The following HECTD4 variants were observed in gnomAD, a reference collection of about 807,000 sequenced individuals.
HECTD4 encodes HECT domain E3 ubiquitin protein ligase 4.
A neutral mutation model predicts 471.5 loss-of-function variants in HECTD4; 114 were observed. The ratio of observed to expected loss-of-function variants is 0.24; its 90% confidence interval spans 0.21 to 0.28. The LOEUF is 0.28. HECTD4 is among the 10% of genes least tolerant of loss of function. HECTD4 has a pLI of 1.00. For missense variants in HECTD4, 3,866 were observed against 5,651.5 expected (o/e 0.68, Z 10.13); for synonymous variants, 2,012 against 2,256.0 (o/e 0.89, Z 3.07).
Position 112,324,038 on chromosome 12 carries a change from C to A in HECTD4, c.178-4296G>T, listed in dbSNP as rs1168280676. On this transcript the variant is annotated intron_variant, in intron 1 of 75. Transcript: ENST00000682272. ...CCTTCCTTCCTTCCTTCCTTCCTTC[C>A]TTCCTTCCTTTCTTTCTTTCTTTCT... Among the ~76,000 whole-genome samples the A allele has an allele frequency of 6.7e-5, 3 of 44,900 alleles. 1 individual carries two copies. Among genetic ancestry groups the A allele is most frequent in the African/African-American group, 4.7e-4 (2 of 4,266 alleles). 29.5% of individuals were successfully genotyped at this position (44,900 alleles called of 152,430 possible).
Position 112,304,656 on chromosome 12 carries a change from G to A in HECTD4, c.1335+1408C>T, listed in dbSNP as rs374872730. 7.3e-5 allele frequency among the ~76,000 whole-genome samples: 11 copies of A among 150,514 alleles called. No homozygotes were observed. In the East Asian group the frequency reaches 1.6e-3, roughly 22 times the overall value. On this transcript the variant is annotated intron_variant, in intron 7 of 75. Coordinates refer to ENST00000682272, the MANE Select transcript of HECTD4 (RefSeq NM_001388303.1). Reference sequence around the variant, plus strand: ...TAAATGAAAATTCCTTAAACAGCTGGTAAGTCTCTTTAAAAACCAATTAAA... The same window carrying A: ...TAAATGAAAATTCCTTAAACAGCTGATAAGTCTCTTTAAAAACCAATTAAA...
Position 112,163,742 on chromosome 12 carries a change from C to T in HECTD4, c.12702-5G>A. On this transcript the variant is annotated splice_polypyrimidine_tract_variant and splice_region_variant and intron_variant, in intron 73 of 75. Coordinates refer to ENST00000682272, the MANE Select transcript of HECTD4 (RefSeq NM_001388303.1). The surrounding 1 kb of genome is among the most constrained non-coding windows in gnomAD (Gnocchi z 8.2). ...TAGATGTCCTTGTTCTCCCACCTGC[C>T]CGGGTGAGGAGCACAGGTGAGGGAG... is the stretch of plus-strand genomic sequence containing the variant. 2 of 1,460,574 alleles carry T rather than the reference C, an allele frequency of 1.4e-6. No homozygotes were observed. The highest frequency in any genetic ancestry group is 1.8e-6 in the Non-Finnish European group (2 of 1,101,908). The allele number at this position is 1,460,574 out of a possible 1,614,324, so 90.5% of individuals were successfully genotyped here.
intron 44 of HECTD4, among the ~76,000 whole-genome samples, chr12:112,220,534 T>G (rs1412636821): frequency 6.6e-6 from 1 of 152,100 alleles, no homozygotes; most frequent in Non-Finnish European, 1.5e-5. Context: ...CGGTGGCTCA[T>G]GCCTGTAATC....
At chr12:112,168,299 C>T (rs1399606841) in intron 70 of HECTD4, among the ~76,000 whole-genome samples, 1 of 152,218 alleles carries the variant, frequency 6.6e-6, no homozygotes, top group Non-Finnish European at 1.5e-5. Context: ...CATGTCTGTC[C>T]CTCTGGGCCA....
Position 112,246,881 on chromosome 12 carries a change from G to C in HECTD4, c.4513+20C>G, listed in dbSNP as rs999172319. ...TGTTCATATAACAGAAGCCGATTAGGGGCTATCTTTGAGCAGTACCTGGTG... is the reference window on the plus strand; with the variant it reads ...TGTTCATATAACAGAAGCCGATTAGCGGCTATCTTTGAGCAGTACCTGGTG... On this transcript the variant is annotated intron_variant, in intron 29 of 75. Coordinates refer to ENST00000682272, the MANE Select transcript of HECTD4 (RefSeq NM_001388303.1). 6.2e-7 allele frequency: 1 copy of C among 1,601,884 alleles called. No homozygotes were observed. The highest frequency in any genetic ancestry group is 1.3e-5 in the African/African-American group (1 of 74,308).
intron 64 of HECTD4, 47 bp from the exon 65 acceptor site, chr12:112,176,749 C>T (rs748705555): frequency 7.6e-7 from 1 of 1,317,388 alleles, no homozygotes; most frequent in East Asian, 2.3e-5. Context: ...TTCACACCTC[C>T]TCCCGATAGG....
chr12:112,278,662 G>A (rs1364026227), intron 9 of HECTD4, among the ~76,000 whole-genome samples: 1 of 152,180 alleles, frequency 6.6e-6, no homozygotes, highest in Non-Finnish European at 1.5e-5. Context: ...GGAGGCCAAG[G>A]TGGGTGGATC....
In HECTD4 at chr12:112,283,100, A is replaced by C. The variant is rs1375616313; in HGVS notation, c.1528+10T>G. The C allele has an allele frequency of 6.2e-7, 1 of 1,608,728 alleles. No homozygotes were observed. The highest frequency in any genetic ancestry group is 1.3e-5 in the African/African-American group (1 of 74,824). The stretch of plus-strand genomic sequence containing the variant: ...AAGGAAACAGATCTGGGAAGCACAG[A>C]GTAACATACCTGCTTGATCCTCTTT... On this transcript the variant is annotated intron_variant, in intron 8 of 75. Transcript: ENST00000682272.
At chr12:112,286,242 A>C (rs1015968495) in intron 7 of HECTD4, among the ~76,000 whole-genome samples, 2 of 152,196 alleles carry the variant, frequency 1.3e-5, no homozygotes, top group Non-Finnish European at 2.9e-5. Flanking sequence ...GAAGCAGCCC[A>C]GGCTTCCTTC....
intron 45 of HECTD4, 65 bp from the exon 46 acceptor site, chr12:112,217,260 G>A (rs1290950301): frequency 7.3e-7 from 1 of 1,361,028 alleles, no homozygotes; most frequent in African/African-American, 1.5e-5. Context: ...CTCTCTCAAA[G>A]AAGAAAAAAA....
At chr12:112,311,135 A>G (rs1594033737) in intron 4 of HECTD4, among the ~76,000 whole-genome samples, 1 of 152,148 alleles carries the variant, frequency 6.6e-6, no homozygotes, top group East Asian at 1.9e-4. Flanking sequence ...GGTGGTGGGC[A>G]CTTGTAATCC....
At chr12:112,223,678 C>T (rs59556347) in intron 44 of HECTD4, among the ~76,000 whole-genome samples, 3 of 152,292 alleles carry the variant, frequency 2.0e-5, no homozygotes, top group African/African-American at 7.2e-5. Flanking sequence ...CCTTGGCCTC[C>T]CAAAGTGCTG....
Position 112,170,577 on chromosome 12 carries a change from C to A in HECTD4, c.11933-125G>T, listed in dbSNP as rs1292383455. On this transcript the variant is annotated intron_variant, in intron 68 of 75. Transcript: ENST00000682272. ...GCCCCCTGGTGGCAGTAGAGCCGGG[C>A]CCTGACTGTGGAGGGTGGTGTGTCA... 2.3e-6 allele frequency: 3 copies of A among 1,281,132 alleles called. No homozygotes were observed. The African/African-American group carries it at 4.4e-5, about 19-fold the overall frequency. 79.4% of individuals were successfully genotyped at this position (1,281,132 alleles called of 1,614,324 possible). A position where few individuals can be genotyped will look rare whatever the true frequency, so the allele number is the denominator to read the frequency against.
chr12:112,195,147 G>T, intron 55 of HECTD4, 81 bp from the exon 56 acceptor site: 1 of 1,262,984 alleles, frequency 7.9e-7, no homozygotes, highest in Non-Finnish European at 1.1e-6. Context: ...AGGTTCTGAA[G>T]GAAAAGGATC....
chr12:112,328,996 G>A (rs2035797874), intron 1 of HECTD4, among the ~76,000 whole-genome samples: 1 of 152,176 alleles, frequency 6.6e-6, no homozygotes, highest in Non-Finnish European at 1.5e-5. Context: ...GAATTGTGAG[G>A]ACTCCAATAC....
intron 17 of HECTD4, among the ~76,000 whole-genome samples, chr12:112,263,480 T>C (rs2034193701): frequency 6.6e-6 from 1 of 152,078 alleles, no homozygotes; most frequent in South Asian, 2.1e-4. Context: ...ACCATGGCTA[T>C]AAAAAAATCT....
intron 45 of HECTD4, among the ~76,000 whole-genome samples, chr12:112,217,707 A>G (rs2032963534): frequency 6.6e-6 from 1 of 152,196 alleles, no homozygotes; most frequent in South Asian, 2.1e-4. Context: ...AATTTTTACT[A>G]TCCCTTTAAG....
intron 60 of HECTD4, among the ~76,000 whole-genome samples, chr12:112,186,113 C>G (rs2031852289): frequency 6.6e-6 from 1 of 151,956 alleles, no homozygotes; most frequent in Non-Finnish European, 1.5e-5. Flanking sequence ...GCTGGGATTA[C>G]AGGAGTGTGA....
At chr12:112,216,524 T>A (rs1238411339) in intron 47 of HECTD4, among the ~76,000 whole-genome samples, 153 bp from the exon 48 acceptor site, 2 of 152,092 alleles carry the variant, frequency 1.3e-5, no homozygotes, top group African/African-American at 4.8e-5. Flanking sequence ...CACACCAATA[T>A]TTCCCAAACT....
Sources: allele counts gnomAD v4.1 joint callset (sites outside exome capture counted in the v4.1 genomes callset), GRCh38; gene constraint gnomAD v4.1.1; non-coding constraint Gnocchi (gnomAD v3.1); transcripts MANE v1.5; gene names NCBI Gene and HGNC (gene_info 2026-07-23, HGNC 2026-07-21).